Variants in GRIK2 observed in about 807,000 individuals in gnomAD.
GRIK2 encodes the protein glutamate ionotropic receptor kainate type subunit 2.
GRIK2 carries 32 observed loss-of-function variants against 100.3 expected under a neutral mutation model. The observed-to-expected ratio is 0.32, with a 90% confidence interval of 0.24 to 0.43. GRIK2 has a LOEUF of 0.43. GRIK2 is among the 20% of genes least tolerant of loss of function. The pLI is 1.00. For missense variants in GRIK2, 843 were observed against 1,114.9 expected (o/e 0.76, Z 3.47); for synonymous variants, 417 against 389.4 (o/e 1.07, Z -0.83).
chr6:101,855,348 C>T (rs1784368465), intron 10 of GRIK2, among the ~76,000 whole-genome samples: 1 of 152,004 alleles, frequency 6.6e-6, no homozygotes, highest in Non-Finnish European at 1.5e-5. Flanking sequence ...GATAAATAAA[C>T]AAAACTTCAG....
chr6:101,672,467 A>G (rs1380671409), intron 4 of GRIK2, among the ~76,000 whole-genome samples: 2 of 152,090 alleles, frequency 1.3e-5, no homozygotes, highest in African/African-American at 2.4e-5. Context: ...TCAGTATTCC[A>G]TCCACATTTT....
chr6:101,815,040 A>G (rs1583200088), intron 9 of GRIK2, among the ~76,000 whole-genome samples: 2 of 152,298 alleles, frequency 1.3e-5, no homozygotes, highest in Middle Eastern at 3.4e-3. Context: ...GAGAATTGTG[A>G]CACAAAGAAA....
Position 101,911,768 on chromosome 6 carries a change from TATG to T in GRIK2, c.1749-12830_1749-12828del, listed in dbSNP as rs766230710. On this transcript the variant is annotated intron_variant, in intron 12 of 16. Transcript: ENST00000369134. Reference sequence around the variant, plus strand: ...AATAACTTGAGAACATTTAGTCTAATATGATCATTTTTCAGGGAGGAAAAGTGA... The same window carrying T: ...AATAACTTGAGAACATTTAGTCTAATATCATTTTTCAGGGAGGAAAAGTGA... Among the ~76,000 whole-genome samples the T allele has an allele frequency of 4.6e-5, 7 of 151,424 alleles. No homozygotes were observed. The East Asian group carries it at 7.8e-4, about 17-fold the overall frequency.
At chr6:101,911,051 T>C (rs1326125599) in intron 12 of GRIK2, among the ~76,000 whole-genome samples, 1 of 44,670 alleles carries the variant, frequency 2.2e-5, no homozygotes, top group Non-Finnish European at 4.4e-5. Flanking sequence ...TTCTTATTTC[T>C]ACCATATAAA....
intron 14 of GRIK2, among the ~76,000 whole-genome samples, chr6:102,027,456 C>A (rs1769763501): frequency 6.6e-6 from 1 of 150,862 alleles, no homozygotes; most frequent in South Asian, 2.1e-4. Flanking sequence ...GGTGTTGTAC[C>A]ACCTGATTAA....
At chr6:101,698,596 T>TA (rs1200980235) in intron 7 of GRIK2, among the ~76,000 whole-genome samples, 2 of 152,084 alleles carry the variant, frequency 1.3e-5, no homozygotes, top group African/African-American at 4.8e-5. Flanking sequence ...CGATCCTTCA[T>TA]AAAAAACCTC....
intron 4 of GRIK2, among the ~76,000 whole-genome samples, chr6:101,647,947 A>G (rs1781607588): frequency 6.6e-6 from 1 of 151,898 alleles, no homozygotes; most frequent in Admixed American, 6.6e-5. Flanking sequence ...ATGGGGGGCT[A>G]TTTTTTGTAA....
intron 14 of GRIK2, among the ~76,000 whole-genome samples, chr6:101,964,108 G>A (rs901632691): frequency 6.6e-6 from 1 of 150,498 alleles, no homozygotes; most frequent in Non-Finnish European, 1.5e-5. Flanking sequence ...AACAATTTCT[G>A]GAGACTTTAA....
chr6:101,592,352 C>T (rs1778690531), intron 2 of GRIK2, among the ~76,000 whole-genome samples: 1 of 151,276 alleles, frequency 6.6e-6, no homozygotes, highest in African/African-American at 2.4e-5. Flanking sequence ...GCTGTGATGA[C>T]CCCTTCACAG....
chr6:101,524,716 TC>T (rs1775059434), intron 2 of GRIK2, among the ~76,000 whole-genome samples: 1 of 96,938 alleles, frequency 1.0e-5, no homozygotes, highest in Non-Finnish European at 1.9e-5. Flanking sequence ...ACTTGCATGT[TC>T]GTTTTTTTTT....
At chr6:101,610,535 T>A (rs529892235) in intron 2 of GRIK2, among the ~76,000 whole-genome samples, 1 of 151,858 alleles carries the variant, frequency 6.6e-6, no homozygotes, top group East Asian at 1.9e-4. Flanking sequence ...AAAGAGAGAG[T>A]TAAGTGTCCC....
At chr6:102,054,819 A>G (rs1562142836) in intron 15 of GRIK2, among the ~76,000 whole-genome samples, 2 of 152,162 alleles carry the variant, frequency 1.3e-5, no homozygotes, top group Non-Finnish European at 2.9e-5. Flanking sequence ...CATAACAGAT[A>G]CTAGTGACTG....
At chr6:101,613,459 T>C (rs1459640631) in intron 2 of GRIK2, among the ~76,000 whole-genome samples, 2 of 151,814 alleles carry the variant, frequency 1.3e-5, no homozygotes, top group Non-Finnish European at 2.9e-5. Context: ...AATAAGTTAA[T>C]AATAACAGTT....
Position 101,394,018 on chromosome 6 carries a change from G to T in GRIK2, c.-294+181G>T, listed in dbSNP as rs550677364. ...GGCGCCCGCTGGACGGATTCACTGC[G>T]AGTCTTTGTCGGGCTTATCTCAGCC... On this transcript the variant is annotated intron_variant, in intron 1 of 16. Transcript: ENST00000369134. 2.3e-4 allele frequency among the ~76,000 whole-genome samples: 35 copies of T among 152,348 alleles called. No individual in the cohort carries two copies. In the East Asian group the frequency reaches 6.0e-3, roughly 26 times the overall value.
intron 11 of GRIK2, among the ~76,000 whole-genome samples, chr6:101,888,978 A>T (rs1249655976): frequency 6.6e-6 from 1 of 152,178 alleles, no homozygotes; most frequent in Admixed American, 6.5e-5. Context: ...GTGGAAAATT[A>T]GCAACTTTGT....
chr6:101,798,042 CTT>C (rs1246612198), intron 7 of GRIK2, among the ~76,000 whole-genome samples: 3 of 133,308 alleles, frequency 2.3e-5, no homozygotes, highest in African/African-American at 2.7e-5. Context: ...GATTTCCACT[CTT>C]TTTTTTTTTT....
intron 2 of GRIK2, among the ~76,000 whole-genome samples, chr6:101,399,676 C>CG (rs1775175301): frequency 6.6e-6 from 1 of 152,280 alleles, no homozygotes; most frequent in South Asian, 2.1e-4. Flanking sequence ...GATGGAGGCA[C>CG]GGTCAGCCGC....
chr6:101,476,016 A>G (rs1329631100), intron 2 of GRIK2, among the ~76,000 whole-genome samples: 1 of 152,144 alleles, frequency 6.6e-6, no homozygotes, highest in East Asian at 1.9e-4. Flanking sequence ...GACAAAATGG[A>G]TATGAGTATG....
chr6:101,736,301 G>A (rs1775627052), intron 7 of GRIK2, among the ~76,000 whole-genome samples: 1 of 152,186 alleles, frequency 6.6e-6, no homozygotes, highest in Non-Finnish European at 1.5e-5. Context: ...GCTCCACTAG[G>A]CAGTGCCCCA....
Sources: allele counts gnomAD v4.1 joint callset (sites outside exome capture counted in the v4.1 genomes callset), GRCh38; gene constraint gnomAD v4.1.1; transcripts MANE v1.5; gene names NCBI Gene and HGNC (gene_info 2026-07-23, HGNC 2026-07-21).